PTPRN2: variants seen among roughly 807,000 people sequenced by gnomAD.
PTPRN2 encodes protein tyrosine phosphatase receptor type N2.
A neutral mutation model predicts 118.8 loss-of-function variants in PTPRN2; 74 were observed. The ratio of observed to expected loss-of-function variants is 0.62; its 90% CI spans 0.52 to 0.76. The LOEUF (loss-of-function observed/expected upper bound fraction) is 0.76, where lower values mean the gene tolerates loss of function less well. Among genes scored for constraint, PTPRN2 ranks in the 30% least tolerant of loss-of-function variants. The pLI, the probability that PTPRN2 is intolerant of heterozygous loss-of-function variation, is 0.00. For synonymous variants in PTPRN2, 641 were observed against 608.0 expected, an observed-to-expected ratio of 1.05 and a Z score of -0.80; for missense variants, 1,481 against 1,394.4, an observed-to-expected ratio of 1.06 and a Z score of -0.99.
Position 158,584,305 on chromosome 7 carries a change from G to A in PTPRN2, c.112+3253C>T, listed in dbSNP as rs76956476. ...AGCCTCCATGTAAGTGAAGAACAGCGTAAAGCCCTTAACAAAGGGCTTATG... is the reference window on the plus strand; with the variant it reads ...AGCCTCCATGTAAGTGAAGAACAGCATAAAGCCCTTAACAAAGGGCTTATG... On this transcript the variant is annotated intron_variant, in intron 1 of 22. Transcript: ENST00000389418. Among the ~76,000 whole-genome samples the A allele has an allele frequency of 9.8e-3, 1,492 of 152,252 alleles. 25 individuals carry two copies. Among genetic ancestry groups the A allele is most frequent in the African/African-American group, 0.029 (1,200 of 41,548 alleles).
At chr7:157,635,871 T>C (rs367620072) in intron 14 of PTPRN2, among the ~76,000 whole-genome samples, 25 of 152,356 alleles carry the variant, frequency 1.6e-4, no homozygotes, top group African/African-American at 5.5e-4. Context: ...TTTGGAACTA[T>C]TGCATAATCC....
intron 14 of PTPRN2, among the ~76,000 whole-genome samples, chr7:157,639,024 T>C (rs1804507377): frequency 6.6e-6 from 1 of 152,054 alleles, no homozygotes; most frequent in South Asian, 2.1e-4. Flanking sequence ...GTAGGATGTC[T>C]TTCTTTCCTT....
chr7:158,579,343 G>A (rs1213383545), intron 1 of PTPRN2, among the ~76,000 whole-genome samples: 2 of 152,158 alleles, frequency 1.3e-5, no homozygotes, highest in Admixed American at 6.5e-5. Context: ...ATTCCATCCT[G>A]TCAGCCACCA....
At position 157,617,388 on chromosome 7, in the gene PTPRN2, G is replaced by A. The variant is rs1802852596; in HGVS notation, c.2344+3974C>T. 6.7e-6 allele frequency: 1 copy of A among 148,874 alleles called. No individual in the cohort carries two copies. The highest frequency in any genetic ancestry group is 1.5e-5 in the Non-Finnish European group (1 of 67,408). The allele number at this position is 148,874 out of a possible 1,614,324, so 9.2% of individuals were successfully genotyped here. ...CGCAGCTGCAGCGCAGAGCACGGGC[G>A]ACGCTGGCTCACGATGCCCCAGTGA... On this transcript the variant is annotated intron_variant, in intron 15 of 22. Coordinates refer to ENST00000389418, the MANE Select transcript of PTPRN2 (RefSeq NM_002847.5). This position sits in a 1 kb window ranked among gnomAD's most constrained non-coding sequence, Gnocchi z 7.5.
chr7:157,576,444 C>G (rs764841957), intron 19 of PTPRN2, among the ~76,000 whole-genome samples, 169 bp downstream of exon 19: 1 of 152,222 alleles, frequency 6.6e-6, no homozygotes, highest in Non-Finnish European at 1.5e-5. Context: ...ACGATTAACA[C>G]GTGCCGTTAA....
At chr7:158,193,844 G>A (rs1407793693) in intron 4 of PTPRN2, among the ~76,000 whole-genome samples, 1 of 149,608 alleles carries the variant, frequency 6.7e-6, no homozygotes, top group African/African-American at 2.5e-5. Context: ...TACCAGCCAG[G>A]TTTAAGAACA....
intron 21 of PTPRN2, among the ~76,000 whole-genome samples, chr7:157,563,616 G>C (rs796746698): frequency 7.3e-6 from 1 of 137,630 alleles, no homozygotes; most frequent in African/African-American, 2.8e-5. Flanking sequence ...AGCAGATCAG[G>C]ACCACGTGCT....
At chr7:157,848,008 G>A (rs1489140023) in intron 12 of PTPRN2, among the ~76,000 whole-genome samples, 1 of 150,552 alleles carries the variant, frequency 6.6e-6, no homozygotes, top group South Asian at 2.1e-4. Flanking sequence ...ATGTGTGCCT[G>A]ATGTTTACAG....
At chr7:157,679,685 G>A (rs992210851) in intron 13 of PTPRN2, among the ~76,000 whole-genome samples, 2 of 152,120 alleles carry the variant, frequency 1.3e-5, no homozygotes, top group African/African-American at 2.4e-5. Context: ...CCCAAGCCCA[G>A]GCTCTGACTC....
chr7:158,557,093 T>C (rs1240671480), intron 1 of PTPRN2, among the ~76,000 whole-genome samples: 3 of 111,580 alleles, frequency 2.7e-5, no homozygotes, highest in African/African-American at 3.5e-5. Flanking sequence ...GCGGCTCCTG[T>C]GCAGGTCGCT....
chr7:158,340,700 T>G (rs1348817894), intron 2 of PTPRN2, among the ~76,000 whole-genome samples: 6 of 76,864 alleles, frequency 7.8e-5, no homozygotes, highest in African/African-American at 1.0e-4. Context: ...AGGTGAAACC[T>G]GCAGACGTCA....
chr7:157,567,400 G>T (rs538186539), intron 21 of PTPRN2, among the ~76,000 whole-genome samples: 1 of 152,222 alleles, frequency 6.6e-6, no homozygotes, highest in Non-Finnish European at 1.5e-5. Context: ...GGATGCTGGC[G>T]GTGTTGGGTA....
Position 157,953,345 on chromosome 7 carries a change from C to T in PTPRN2, c.1724-54608G>A, listed in dbSNP as rs2128803206. ...ATGGATGGAGACGTGGGAGCAGGGG[C>T]TGGCAGCACTCCCCGAGCACAGTGG... is the stretch of plus-strand genomic sequence containing the variant. On this transcript the variant is annotated intron_variant, in intron 11 of 22. Transcript: ENST00000389418. The surrounding 1 kb of genome is among the most constrained non-coding windows in gnomAD (Gnocchi z 4.6). Among the ~76,000 whole-genome samples the T allele has an allele frequency of 6.6e-6, 1 of 152,226 alleles. No individual in the cohort carries two copies. Among genetic ancestry groups the T allele is most frequent in the African/African-American group, 2.4e-5 (1 of 41,540 alleles).
intron 11 of PTPRN2, among the ~76,000 whole-genome samples, chr7:158,011,514 G>A (rs776970643): frequency 4.6e-5 from 7 of 152,204 alleles, no homozygotes; most frequent in Non-Finnish European, 8.8e-5. Flanking sequence ...CGTCACCGAC[G>A]ATCACCATAT....
intron 12 of PTPRN2, among the ~76,000 whole-genome samples, chr7:157,754,417 C>T (rs1051511269): frequency 1.3e-4 from 20 of 152,376 alleles, no homozygotes; most frequent in African/African-American, 4.8e-4. Context: ...GGTCCAAGCA[C>T]TGAGTTCTAG....
At chr7:158,270,841 TCACCTGGACC>T (rs1798353693) in intron 3 of PTPRN2, among the ~76,000 whole-genome samples, 1 of 4,588 alleles carries the variant, frequency 2.2e-4, no homozygotes, top group Non-Finnish European at 4.0e-4. Flanking sequence ...GATGACCCCC[TCACCTGGACC>T]GCCCCCCCAC....
chr7:157,783,311 C>A (rs570736643), intron 12 of PTPRN2, among the ~76,000 whole-genome samples: 1 of 151,994 alleles, frequency 6.6e-6, no homozygotes, highest in East Asian at 1.9e-4. Flanking sequence ...CTGTTACTCA[C>A]GTTCCCATCT....
intron 5 of PTPRN2, among the ~76,000 whole-genome samples, chr7:158,172,667 C>T (rs1023722801): frequency 2.0e-5 from 3 of 151,056 alleles, no homozygotes; most frequent in African/African-American, 7.3e-5. Flanking sequence ...CAGCAGCATC[C>T]CACCATCATC....
intron 4 of PTPRN2, among the ~76,000 whole-genome samples, chr7:158,192,757 C>A (rs1825882422): frequency 6.6e-6 from 1 of 152,128 alleles, no homozygotes; most frequent in African/African-American, 2.4e-5. Flanking sequence ...AGACAGGAAG[C>A]AAAAGCAATA....
Sources: gnomAD v4.1 joint callset for allele counts (sites outside exome capture counted in the v4.1 genomes callset) on GRCh38, gnomAD v4.1.1 for gene constraint, Gnocchi (gnomAD v3.1) non-coding constraint, MANE v1.5 for transcripts, NCBI Gene and HGNC (gene_info 2026-07-23, HGNC 2026-07-21) for gene names.